Variants in IFT80 observed in about 807,000 individuals in gnomAD.
IFT80 encodes the protein intraflagellar transport protein 80 homolog.
In IFT80, 79 loss-of-function variants were observed where a neutral mutation model predicts 107.9. The ratio of observed to expected loss-of-function variants is 0.73; its 90% CI spans 0.61 to 0.88. IFT80 has a LOEUF of 0.88. Among genes scored for constraint, IFT80 ranks in the 40% least tolerant of loss-of-function variants. The pLI is 0.00. For missense variants in IFT80, 797 were observed against 914.2 expected, an observed-to-expected ratio of 0.87 and a Z score of 1.65; for synonymous variants, 299 against 300.9, an observed-to-expected ratio of 0.99 and a Z score of 0.07.
In IFT80 at chr3:160,357,509, C is replaced by CA. The variant is rs766419168; in HGVS notation, c.618dup (p.Gly207TrpfsTer2). 2 of 1,569,708 alleles carry CA rather than the reference C, an allele frequency of 1.3e-6. No individual in the cohort carries two copies. Among genetic ancestry groups the CA allele is most frequent in the Non-Finnish European group, 1.8e-6 (2 of 1,140,354 alleles). On this transcript the variant is annotated frameshift_variant, in exon 7 of 20. Coordinates refer to ENST00000326448, the MANE Select transcript of IFT80 (RefSeq NM_020800.3). LOFTEE classifies it high-confidence loss of function. ...TATACCTTATATTTACAGTCTTCAC[C>CA]AGCAGATAAAATAAGATCATTGACC...
intron 19 of IFT80, among the ~76,000 whole-genome samples, chr3:160,264,287 T>G (rs1356378429): frequency 6.6e-6 from 1 of 150,782 alleles, no homozygotes; most frequent in South Asian, 2.1e-4. Context: ...TTTTTTTTTT[T>G]GGTAGAGACA....
At chr3:160,398,280 C>G (rs139175579) in intron 1 of IFT80, among the ~76,000 whole-genome samples, 1 of 152,148 alleles carries the variant, frequency 6.6e-6, no homozygotes. Flanking sequence ...AATCACTGAA[C>G]CTGACTTCAT....
Position 160,384,596 on chromosome 3 carries a change from C to T in IFT80, c.5G>A (p.Arg2Lys). The change falls in exon 2 of 20, where the codon AGA becomes AAA. Residue 2 changes from arginine (R) to lysine (K), a missense_variant. Coordinates refer to ENST00000326448, the MANE Select transcript of IFT80 (RefSeq NM_020800.3). M[R>K]LKISLLKEPK... Reference sequence around the variant, plus strand: ...TTCTTTTAAAAGAGATATCTTTAGTCTCATGACTCCACTTCCAGCAAAAAT... The same window carrying T: ...TTCTTTTAAAAGAGATATCTTTAGTTTCATGACTCCACTTCCAGCAAAAAT... 1.3e-6 allele frequency: 2 copies of T among 1,555,726 alleles called. No individual in the cohort carries two copies. The highest frequency in any genetic ancestry group is 1.1e-5 in the South Asian group (1 of 89,736).
Position 160,258,630 on chromosome 3 carries a change from T to G in IFT80, c.2229A>C (p.Gln743His). 6.2e-7 allele frequency: 1 copy of G among 1,607,748 alleles called. No homozygotes were observed. Among genetic ancestry groups the G allele is most frequent in the Middle Eastern group, 1.7e-4 (1 of 6,040 alleles). ...TGGCTTTGATTTTCTCCCAATCTAT[T>G]TGGAGCTGCAATAGAAAAAAAAAAG... is the stretch of plus-strand genomic sequence containing the variant. ...KRYLHYAEGL[Q>H]IDWEKIKAKI... is the part of the protein sequence containing the mutation. Residue 743 changes from glutamine (Q) to histidine (H), a missense_variant, in exon 20 of 20, where the codon CAA becomes CAC. Coordinates refer to ENST00000326448, the MANE Select transcript of IFT80 (RefSeq NM_020800.3).
chr3:160,394,815 T>G (rs1056602723), intron 1 of IFT80, among the ~76,000 whole-genome samples: 6 of 152,094 alleles, frequency 3.9e-5, no homozygotes, highest in Non-Finnish European at 8.8e-5. Flanking sequence ...TAGAAAGATG[T>G]CTATGTTAAA....
chr3:160,353,077 T>G (rs1001020885), intron 8 of IFT80, among the ~76,000 whole-genome samples: 1 of 152,186 alleles, frequency 6.6e-6, no homozygotes, highest in African/African-American at 2.4e-5. Flanking sequence ...TCCAAACTAT[T>G]GTGGCCATAC....
At chr3:160,334,148 T>A (rs1361251074) in intron 8 of IFT80, among the ~76,000 whole-genome samples, 1 of 152,178 alleles carries the variant, frequency 6.6e-6, no homozygotes, top group East Asian at 1.9e-4. Context: ...GACTAGATAC[T>A]TGATGATACT....
In IFT80 at chr3:160,278,127, A is replaced by G. The variant is rs572746700; in HGVS notation, c.1837-457T>C. Among the ~76,000 whole-genome samples, 4 of 152,338 alleles carry G rather than the reference A, an allele frequency of 2.6e-5. No individual in the cohort carries two copies. The South Asian group carries it at 6.2e-4, about 24-fold the overall frequency. Reference sequence around the variant, plus strand: ...TAAGGTTTTCCTTTTAATGAAAAGCAGCCCCCAAATCATTTTCTTTTCTAA... The same window carrying G: ...TAAGGTTTTCCTTTTAATGAAAAGCGGCCCCCAAATCATTTTCTTTTCTAA... On this transcript the variant is annotated intron_variant, in intron 16 of 19. Transcript: ENST00000326448.
intron 9 of IFT80, among the ~76,000 whole-genome samples, chr3:160,313,756 C>A (rs1475073342): frequency 6.6e-6 from 1 of 151,936 alleles, no homozygotes; most frequent in Non-Finnish European, 1.5e-5. Flanking sequence ...ACTACAGGCA[C>A]AAGCCACCAC....
At chr3:160,358,558 T>C (rs1721270700) in intron 6 of IFT80, among the ~76,000 whole-genome samples, 1 of 152,054 alleles carries the variant, frequency 6.6e-6, no homozygotes, top group Non-Finnish European at 1.5e-5. Context: ...CTGTGGGGGA[T>C]TGGTTCCAGT....
rs116757180 is a variant in IFT80 at position 160,275,804 on chromosome 3, A to G, written c.2099+1502T>C. On this transcript the variant is annotated intron_variant, in intron 18 of 19. Coordinates refer to ENST00000326448, the MANE Select transcript of IFT80 (RefSeq NM_020800.3). ...TGGGTAATGATACATATAATTTTCT[A>G]TAAGTTATTTAACATAAAATTTAAA... Among the ~76,000 whole-genome samples the G allele has an allele frequency of 3.3e-3, 503 of 152,300 alleles. 1 individual carries two copies. The highest frequency in any genetic ancestry group is 0.011 in the African/African-American group (463 of 41,584).
At chr3:160,361,812 T>C (rs980670456) in intron 6 of IFT80, among the ~76,000 whole-genome samples, 6 of 152,172 alleles carry the variant, frequency 3.9e-5, no homozygotes, top group Non-Finnish European at 8.8e-5. Context: ...GAAATAAAGA[T>C]GTTCTTTGAA....
intron 9 of IFT80, among the ~76,000 whole-genome samples, chr3:160,314,906 G>A (rs188981096): frequency 6.6e-6 from 1 of 152,198 alleles, no homozygotes; most frequent in Admixed American, 6.6e-5. Flanking sequence ...CAATTTATAG[G>A]TTTATTTTGC....
chr3:160,262,813 T>C (rs1004838931), intron 19 of IFT80, among the ~76,000 whole-genome samples: 1 of 152,136 alleles, frequency 6.6e-6, no homozygotes, highest in Admixed American at 6.5e-5. Context: ...GGGTGTCATA[T>C]TTTGGTTTCC....
At chr3:160,379,021 A>T (rs1252338833) in intron 3 of IFT80, among the ~76,000 whole-genome samples, 1 of 152,178 alleles carries the variant, frequency 6.6e-6, no homozygotes, top group Non-Finnish European at 1.5e-5. Context: ...AAATTATTAA[A>T]AGGAATAAAT....
At chr3:160,385,641 C>T (rs1441283117) in intron 1 of IFT80, among the ~76,000 whole-genome samples, 2 of 152,190 alleles carry the variant, frequency 1.3e-5, no homozygotes, top group East Asian at 1.9e-4. Context: ...TTCCAGTTCT[C>T]TTAAGGTGAT....
At chr3:160,320,314 A>T (rs1483617664) in intron 8 of IFT80, among the ~76,000 whole-genome samples, 1 of 151,956 alleles carries the variant, frequency 6.6e-6, no homozygotes, top group Non-Finnish European at 1.5e-5. Context: ...AAAATTTCTC[A>T]TTACAATATT....
At chr3:160,279,629 C>T (rs1192796528) in intron 15 of IFT80, among the ~76,000 whole-genome samples, 1 of 152,026 alleles carries the variant, frequency 6.6e-6, no homozygotes, top group African/African-American at 2.4e-5. Flanking sequence ...AAAATTATTA[C>T]ATATTTGAGA....
intron 19 of IFT80, among the ~76,000 whole-genome samples, chr3:160,264,228 G>A (rs1410845670): frequency 2.0e-5 from 3 of 151,362 alleles, no homozygotes; most frequent in Non-Finnish European, 4.4e-5. Context: ...TCCCACCTAA[G>A]CTTCCAGAGT....
Sources: gnomAD v4.1 joint callset for allele counts (sites outside exome capture counted in the v4.1 genomes callset) on GRCh38, gnomAD v4.1.1 for gene constraint, MANE v1.5 for transcripts, NCBI Gene and HGNC (gene_info 2026-07-23, HGNC 2026-07-21) for gene names.